Variants in RASGRF2 observed in about 807,000 individuals in gnomAD.
The protein encoded by RASGRF2 is ras-specific guanine nucleotide-releasing factor 2.
In RASGRF2, 76 loss-of-function variants were observed where a neutral mutation model predicts 151.0. That is an observed-to-expected ratio of 0.50 (90% CI 0.42 to 0.61). The LOEUF is 0.61. RASGRF2 is among the 20% of genes least tolerant of loss of function. RASGRF2 has a pLI of 0.00. For synonymous variants in RASGRF2, 504 were observed against 566.5 expected, an observed-to-expected ratio of 0.89 and a Z score of 1.57; for missense variants, 1,148 against 1,564.6, an observed-to-expected ratio of 0.73 and a Z score of 4.49.
At chr5:81,079,985 GTTA>G in intron 5 of RASGRF2, 133 bp from the exon 6 acceptor site, 2 of 1,137,268 alleles carry the variant, frequency 1.8e-6, no homozygotes, top group Non-Finnish European at 2.3e-6. Flanking sequence ...TATAATCCAT[GTTA>G]TTATTGGGTA....
At chr5:80,972,448 C>T (rs542387233) in intron 1 of RASGRF2, among the ~76,000 whole-genome samples, 6 of 152,036 alleles carry the variant, frequency 3.9e-5, no homozygotes, top group African/African-American at 1.4e-4. Context: ...AGGTTGAGCA[C>T]CTTTTCAAGT....
chr5:81,067,290 C>T (rs1331391586), intron 2 of RASGRF2, among the ~76,000 whole-genome samples: 1 of 152,170 alleles, frequency 6.6e-6, no homozygotes, highest in African/African-American at 2.4e-5. Context: ...TCCATTTCAT[C>T]ATCCTGAATG....
intron 12 of RASGRF2, among the ~76,000 whole-genome samples, chr5:81,105,145 A>G (rs972937828): frequency 8.5e-5 from 13 of 152,282 alleles, no homozygotes; most frequent in African/African-American, 3.1e-4. Context: ...GATTGTGGGT[A>G]TCCTGTAGCT....
chr5:81,220,065 T>G (rs1755826439), intron 26 of RASGRF2, among the ~76,000 whole-genome samples: 1 of 152,178 alleles, frequency 6.6e-6, no homozygotes, highest in Non-Finnish European at 1.5e-5. Flanking sequence ...CCTGCTCTAC[T>G]TGCATTCACT....
At chr5:80,983,503 C>A (rs1748379095) in intron 1 of RASGRF2, among the ~76,000 whole-genome samples, 1 of 152,244 alleles carries the variant, frequency 6.6e-6, no homozygotes, top group Admixed American at 6.5e-5. Flanking sequence ...AAAGCCACAA[C>A]CCTGGGCAGC....
chr5:81,144,106 C>A (rs113917644), intron 17 of RASGRF2, among the ~76,000 whole-genome samples: 3,840 of 152,132 alleles, frequency 0.025, 150 homozygotes, highest in African/African-American at 0.087. Context: ...GGAGAAATAA[C>A]CAATGATAAT....
At chr5:81,016,401 A>G (rs1749638630) in intron 1 of RASGRF2, among the ~76,000 whole-genome samples, 1 of 152,226 alleles carries the variant, frequency 6.6e-6, no homozygotes, top group Admixed American at 6.5e-5. Context: ...ATAGGCTCTC[A>G]GAGATTTGAA....
chr5:81,127,797 A>C (rs564558175), intron 17 of RASGRF2, among the ~76,000 whole-genome samples: 3 of 151,658 alleles, frequency 2.0e-5, no homozygotes, highest in Non-Finnish European at 4.4e-5. Flanking sequence ...GGTGTCATAC[A>C]TCTGTAATTC....
At chr5:81,195,117 A>G (rs1755234206) in intron 18 of RASGRF2, among the ~76,000 whole-genome samples, 2 of 152,218 alleles carry the variant, frequency 1.3e-5, no homozygotes, top group Admixed American at 6.5e-5. Flanking sequence ...CTCCTGGCGC[A>G]TGAGGCTTCG....
chr5:81,049,627 C>G (rs1441687164), intron 2 of RASGRF2, among the ~76,000 whole-genome samples: 1 of 152,172 alleles, frequency 6.6e-6, no homozygotes, highest in Non-Finnish European at 1.5e-5. Context: ...ATTCCCCAGA[C>G]TTAGGTCGTG....
chr5:81,085,890 C>G lies in RASGRF2; in HGVS notation c.1250C>G (p.Ser417Ter). ...AGGAAAAGCCTGGAGTTTGCCAAAT[C>G]AAAGCTAGAGGAACTATCCAGGTAT... ...VERKSLEFAK[S>*]KLEELSRVMH... is the part of the protein sequence containing the mutation. The change falls in exon 8 of 27, where the codon TCA (serine) becomes TGA (stop). Residue 417 changes from serine to a stop codon, truncating the protein, a stop_gained. Transcript: ENST00000265080. LOFTEE classifies it high-confidence loss of function. 2 of 1,614,076 alleles carry G rather than the reference C, an allele frequency of 1.2e-6. No homozygotes were observed. Among genetic ancestry groups the G allele is most frequent in the East Asian group, 2.2e-5 (1 of 44,866 alleles).
chr5:81,150,848 G>A (rs900548513), intron 17 of RASGRF2, among the ~76,000 whole-genome samples: 1 of 152,302 alleles, frequency 6.6e-6, no homozygotes, highest in South Asian at 2.1e-4. Flanking sequence ...CTATATAATG[G>A]TGTTCACCAC....
At chr5:81,166,841 C>G (rs145785554) in intron 17 of RASGRF2, among the ~76,000 whole-genome samples, 1 of 152,024 alleles carries the variant, frequency 6.6e-6, no homozygotes, top group African/African-American at 2.4e-5. Flanking sequence ...TTTCTAAGGC[C>G]GTTCATTGAG....
At chr5:81,107,267 T>TA (rs1421963978) in intron 12 of RASGRF2, among the ~76,000 whole-genome samples, 2 of 150,384 alleles carry the variant, frequency 1.3e-5, no homozygotes, top group Admixed American at 6.6e-5. Flanking sequence ...GAGGCTGAGG[T>TA]AGGAGGATCA....
intron 1 of RASGRF2, among the ~76,000 whole-genome samples, chr5:81,033,044 A>G (rs1368639905): frequency 2.0e-5 from 3 of 151,832 alleles, no homozygotes; most frequent in Non-Finnish European, 4.4e-5. Context: ...ACTCCCATTC[A>G]CAATTGCTTC....
chr5:81,080,599 A>T lies in RASGRF2; in HGVS notation c.971A>T (p.Asp324Val). Reference sequence around the variant, plus strand: ...CGTGTTTACTGTTTCTTTGCAGCTGATCTGTTTGATATTTTGCTCCCCATG... The same window carrying T: ...CGTGTTTACTGTTTCTTTGCAGCTGTTCTGTTTGATATTTTGCTCCCCATG... ...IANWPTLILA[D>V]LFDILLPMLN... is the part of the protein sequence containing the mutation. The change falls in exon 7 of 27, where the codon GAT becomes GTT. Residue 324 changes from aspartate to valine, a missense_variant. This residue lies in a region of RASGRF2 where 176 missense variants were observed against 309.6 expected (regional missense o/e 0.57). Transcript: ENST00000265080. The T allele has an allele frequency of 6.2e-7, 1 of 1,613,142 alleles. No individual in the cohort carries two copies. The highest frequency in any genetic ancestry group is 8.5e-7 in the Non-Finnish European group (1 of 1,179,262).
chr5:81,185,199 A>G (rs140991484), intron 18 of RASGRF2, among the ~76,000 whole-genome samples: 1 of 152,338 alleles, frequency 6.6e-6, no homozygotes, highest in African/African-American at 2.4e-5. Context: ...GTTCCCTACC[A>G]CTATGGGGAA....
chr5:81,120,020 G>A (rs1043867626), intron 15 of RASGRF2, among the ~76,000 whole-genome samples: 2 of 152,104 alleles, frequency 1.3e-5, no homozygotes, highest in Non-Finnish European at 2.9e-5. Context: ...GAAGCCCGTA[G>A]AGCCAACCTT....
intron 17 of RASGRF2, among the ~76,000 whole-genome samples, chr5:81,174,680 T>C (rs6880350): frequency 0.87 from 132,844 of 151,896 alleles, 58,466 homozygotes; most frequent in African/African-American, 0.97. Context: ...CAGTCACTTT[T>C]AAACTTTTTT....
Sources: gnomAD v4.1 joint callset for allele counts (sites outside exome capture counted in the v4.1 genomes callset) on GRCh38, gnomAD v4.1.1 for gene constraint, gnomAD v4.1.1 regional missense constraint, MANE v1.5 for transcripts, NCBI Gene and HGNC (gene_info 2026-07-23, HGNC 2026-07-21) for gene names.